The following YAP1 variants were observed in gnomAD, a reference collection of about 807,000 sequenced individuals.
The protein encoded by YAP1 is transcriptional coactivator YAP1.
Under a neutral mutation model 56.9 loss-of-function variants are expected in YAP1, and 5 were observed. The ratio of observed to expected loss-of-function variants is 0.09; its 90% confidence interval spans 0.05 to 0.18. YAP1 has a LOEUF of 0.18. Among genes scored for constraint, YAP1 ranks in the 10% least tolerant of loss-of-function variants. The pLI, the probability that YAP1 is intolerant of heterozygous loss-of-function variation, is 1.00. For synonymous variants in YAP1, 265 were observed against 248.1 expected (o/e 1.07, Z -0.64); for missense variants, 539 against 651.8 (o/e 0.83, Z 1.88).
chr11:102,174,096 G>T lies in YAP1; in HGVS notation c.688+11525G>T, dbSNP rs533179144. 9.1e-4 allele frequency among the ~76,000 whole-genome samples: 139 copies of T among 152,284 alleles called. 1 individual carries two copies. The highest frequency in any genetic ancestry group is 1.5e-3 in the Non-Finnish European group (100 of 68,020). ...TTTTCTGGTGATGCTGATACTGCTGGTTAAAGGAGTGCACAAATAGAATAC... is the reference window on the plus strand; with the variant it reads ...TTTTCTGGTGATGCTGATACTGCTGTTTAAAGGAGTGCACAAATAGAATAC... On this transcript the variant is annotated intron_variant, in intron 3 of 8. Coordinates refer to ENST00000282441, the MANE Select transcript of YAP1 (RefSeq NM_001130145.3).
At chr11:102,214,038 C>G (rs1949545933) in intron 6 of YAP1, among the ~76,000 whole-genome samples, 1 of 152,074 alleles carries the variant, frequency 6.6e-6, no homozygotes, top group South Asian at 2.1e-4. Flanking sequence ...GATCATGCCA[C>G]TACACTCCAG....
chr11:102,200,481 T>C (rs1447761065), intron 4 of YAP1, among the ~76,000 whole-genome samples: 3 of 151,908 alleles, frequency 2.0e-5, no homozygotes, highest in African/African-American at 7.3e-5. Context: ...TCTTGCACTT[T>C]TTGCCCAGGC....
intron 3 of YAP1, among the ~76,000 whole-genome samples, chr11:102,185,656 G>A (rs1947906915): frequency 6.6e-6 from 1 of 152,130 alleles, no homozygotes; most frequent in Non-Finnish European, 1.5e-5. Context: ...TCCTAGGAAG[G>A]TATTGTCACA....
intron 2 of YAP1, among the ~76,000 whole-genome samples, chr11:102,135,324 A>G (rs1385323671): frequency 6.6e-6 from 1 of 152,224 alleles, no homozygotes; most frequent in Non-Finnish European, 1.5e-5. Context: ...TGTATCTTAC[A>G]AATTTGTGAA....
intron 1 of YAP1, among the ~76,000 whole-genome samples, chr11:102,111,552 C>T (rs906939075): frequency 6.6e-5 from 10 of 151,064 alleles, no homozygotes; most frequent in Middle Eastern, 3.4e-3. Context: ...TGGGCTTGCA[C>T]AATGCGCGCG....
Position 102,162,555 on chromosome 11 carries a change from G to A in YAP1, c.672G>A (p.Met224Ile), listed in dbSNP as rs201865017. 18 of 1,614,186 alleles carry A rather than the reference G, an allele frequency of 1.1e-5. No individual in the cohort carries two copies. Among genetic ancestry groups the A allele is most frequent in the Admixed American group, 1.0e-4 (6 of 60,030 alleles). ...APTSPPVQQNMMNSASGPLPD... is the reference protein window; with the variant it reads ...APTSPPVQQNIMNSASGPLPD... Reference sequence around the variant, plus strand: ...CCAGTCCACCAGTGCAGCAGAATATGATGAACTCGGCTTCAGGTGAGTGAG... The same window carrying A: ...CCAGTCCACCAGTGCAGCAGAATATAATGAACTCGGCTTCAGGTGAGTGAG... Residue 224 changes from methionine to isoleucine, a missense_variant, in exon 3 of 9, where the codon ATG (methionine) becomes ATA (isoleucine). By Grantham distance (10) the Met-to-Ile change is conservative (BLOSUM62 1). Coordinates refer to ENST00000282441, the MANE Select transcript of YAP1 (RefSeq NM_001130145.3).
At chr11:102,155,145 G>A (rs1174630369) in intron 2 of YAP1, among the ~76,000 whole-genome samples, 1 of 152,072 alleles carries the variant, frequency 6.6e-6, no homozygotes, top group Non-Finnish European at 1.5e-5. Context: ...TTCTACCACT[G>A]TCCTGCCCTC....
At chr11:102,181,646 T>G (rs1321703646) in intron 3 of YAP1, among the ~76,000 whole-genome samples, 2 of 152,188 alleles carry the variant, frequency 1.3e-5, no homozygotes. Flanking sequence ...TGGTGCCTGT[T>G]TTGTCATGGT....
chr11:102,159,896 C>A (rs976027506), intron 2 of YAP1, among the ~76,000 whole-genome samples: 1 of 151,748 alleles, frequency 6.6e-6, no homozygotes, highest in Non-Finnish European at 1.5e-5. Flanking sequence ...GCTTTGTGGG[C>A]CAGTTGGGGA....
intron 8 of YAP1, among the ~76,000 whole-genome samples, chr11:102,229,029 C>T (rs1432245987): frequency 6.6e-6 from 1 of 152,220 alleles, no homozygotes; most frequent in African/African-American, 2.4e-5. Context: ...TTGCTCTCTT[C>T]TCCAGACCCC....
chr11:102,114,775 G>A (rs1190023120), intron 2 of YAP1, among the ~76,000 whole-genome samples: 5 of 152,128 alleles, frequency 3.3e-5, no homozygotes, highest in East Asian at 1.9e-4. Context: ...TACAAAATAC[G>A]TATGGTGCTA....
rs71059544 is a variant in YAP1 at position 102,228,634 on chromosome 11, C to CAAAAAAAAAAAAAAAAAAAAAAA, written c.1276+1058_1277-1041dup. On this transcript the variant is annotated intron_variant, in intron 8 of 8. Coordinates refer to ENST00000282441, the MANE Select transcript of YAP1 (RefSeq NM_001130145.3). ...TGGGTGACAGAGCAAGACTCCGTCT[C>CAAAAAAAAAAAAAAAAAAAAAAA]AAAAAAAAAAAAAAAAAAAAAAAAA... Among the ~76,000 whole-genome samples the CAAAAAAAAAAAAAAAAAAAAAAA allele has an allele frequency of 1.6e-3, 50 of 31,640 alleles. 2 individuals carry two copies. Among genetic ancestry groups the CAAAAAAAAAAAAAAAAAAAAAAA allele is most frequent in the Non-Finnish European group, 3.3e-3 (43 of 13,126 alleles). 20.8% of individuals were successfully genotyped at this position (31,640 alleles called of 152,430 possible).
chr11:102,221,029 A>AATG (rs1208727977), intron 6 of YAP1, among the ~76,000 whole-genome samples: 1 of 152,168 alleles, frequency 6.6e-6, no homozygotes, highest in Non-Finnish European at 1.5e-5. Context: ...GTGGCTGTGC[A>AATG]ATGGGTGTTT....
At chr11:102,167,562 G>A (rs1748206479) in intron 3 of YAP1, among the ~76,000 whole-genome samples, 1 of 152,068 alleles carries the variant, frequency 6.6e-6, no homozygotes, top group Non-Finnish European at 1.5e-5. Context: ...GTGAAACCCC[G>A]TCTCCACTAA....
intron 3 of YAP1, among the ~76,000 whole-genome samples, chr11:102,177,023 G>A (rs1213615544): frequency 1.3e-5 from 2 of 152,150 alleles, no homozygotes. Flanking sequence ...TTAGGAAGAA[G>A]TGACATTCAG....
At chr11:102,156,775 CTG>C (rs553217826) in intron 2 of YAP1, among the ~76,000 whole-genome samples, 7 of 152,226 alleles carry the variant, frequency 4.6e-5, no homozygotes, top group African/African-American at 1.7e-4. Context: ...ATTGAGAGAA[CTG>C]TGCTTGCTTC....
intron 3 of YAP1, among the ~76,000 whole-genome samples, chr11:102,163,543 C>G (rs1251714401): frequency 6.6e-6 from 1 of 152,176 alleles, no homozygotes; most frequent in Non-Finnish European, 1.5e-5. Flanking sequence ...CCACGCTTTA[C>G]CCCGCTGCTC....
At chr11:102,210,601 A>G (rs1424325847) in intron 6 of YAP1, among the ~76,000 whole-genome samples, 3 of 152,212 alleles carry the variant, frequency 2.0e-5, no homozygotes, top group Non-Finnish European at 4.4e-5. Flanking sequence ...CATCTTCACC[A>G]AAGTTGAGCA....
intron 2 of YAP1, among the ~76,000 whole-genome samples, chr11:102,127,946 C>G (rs1042643651): frequency 5.3e-5 from 8 of 152,172 alleles, no homozygotes. Flanking sequence ...GGCCCTGTAA[C>G]CCCTTTGTTT....
Sources: gnomAD v4.1 joint callset for allele counts (sites outside exome capture counted in the v4.1 genomes callset) on GRCh38, gnomAD v4.1.1 for gene constraint, MANE v1.5 for transcripts, NCBI Gene and HGNC (gene_info 2026-07-23, HGNC 2026-07-21) for gene names.